TNNI3K: variants seen among roughly 807,000 people sequenced by gnomAD.
TNNI3K encodes serine/threonine-protein kinase TNNI3K.
In TNNI3K, 140 loss-of-function variants were observed where a neutral mutation model predicts 114.5. The ratio of observed to expected loss-of-function variants is 1.22; its 90% CI spans 1.07 to 1.41. TNNI3K has a LOEUF of 1.41. Ranked by LOEUF, TNNI3K falls within the 40% of genes most tolerant of loss-of-function variation. TNNI3K has a pLI of 0.00. For synonymous variants in TNNI3K, 347 were observed against 347.5 expected (o/e 1.00, Z 0.02); for missense variants, 1,125 against 1,007.6 (o/e 1.12, Z -1.58).
intron 9 of TNNI3K, among the ~76,000 whole-genome samples, chr1:74,347,314 T>C (rs988376414): frequency 3.3e-5 from 5 of 151,934 alleles, no homozygotes; most frequent in African/African-American, 1.2e-4. Flanking sequence ...TCCATGTCCC[T>C]ACAAAGGACA....
At chr1:74,396,516 A>C (rs191581351) in intron 17 of TNNI3K, among the ~76,000 whole-genome samples, 15 of 152,340 alleles carry the variant, frequency 9.8e-5, no homozygotes, top group Non-Finnish European at 1.9e-4. Flanking sequence ...ACTTGGGCTG[A>C]GATAATGTCA....
intron 21 of TNNI3K, chr1:74,483,354 G>A: frequency 1.4e-6 from 1 of 717,256 alleles, no homozygotes. Context: ...CAACATGATG[G>A]CAAAGAGTAC....
intron 11 of TNNI3K, among the ~76,000 whole-genome samples, chr1:74,358,165 A>G (rs919054716): frequency 2.0e-5 from 3 of 152,108 alleles, no homozygotes; most frequent in Non-Finnish European, 4.4e-5. Flanking sequence ...CTAAACTAGA[A>G]ACAGAACTAA....
chr1:74,476,801 T>C (rs1376278650), intron 21 of TNNI3K, among the ~76,000 whole-genome samples: 1 of 152,172 alleles, frequency 6.6e-6, no homozygotes, highest in East Asian at 1.9e-4. Context: ...ATGTCTAGTT[T>C]TATCCACTGG....
chr1:74,435,995 T>C (rs1666105181), intron 17 of TNNI3K, 85 bp from the exon 18 acceptor site: 12 of 1,523,324 alleles, frequency 7.9e-6, no homozygotes, highest in South Asian at 2.6e-5. Context: ...ATGATGTCTA[T>C]GGTCCTCTTC....
intron 9 of TNNI3K, chr1:74,345,782 G>T (rs1245825691): frequency 2.0e-5 from 3 of 152,158 alleles, no homozygotes; most frequent in Non-Finnish European, 4.4e-5. Flanking sequence ...TACAGGAAAA[G>T]AACATTTATG....
chr1:74,453,841 G>A (rs527730232), intron 20 of TNNI3K, among the ~76,000 whole-genome samples: 4 of 152,108 alleles, frequency 2.6e-5, no homozygotes, highest in Admixed American at 2.0e-4. Flanking sequence ...GCCAAACAGC[G>A]CTGAGCAGGA....
At chr1:74,375,613 G>A in intron 17 of TNNI3K, 1 of 455,018 alleles carries the variant, frequency 2.2e-6, no homozygotes, top group Non-Finnish European at 4.4e-6. Context: ...GATAAACTGG[G>A]TCATCTGGTC....
chr1:74,317,091 T>G (rs148533065), intron 5 of TNNI3K, among the ~76,000 whole-genome samples: 1 of 152,210 alleles, frequency 6.6e-6, no homozygotes, highest in African/African-American at 2.4e-5. Flanking sequence ...GGCTAAGATA[T>G]AAGCTCAACA....
At chr1:74,342,437 C>G (rs1438375036) in intron 7 of TNNI3K, among the ~76,000 whole-genome samples, 1 of 152,024 alleles carries the variant, frequency 6.6e-6, no homozygotes, top group African/African-American at 2.4e-5. Flanking sequence ...CCTACTGAAC[C>G]CAAATCTCTG....
intron 17 of TNNI3K, among the ~76,000 whole-genome samples, chr1:74,399,695 C>A (rs1374647971): frequency 6.6e-6 from 1 of 152,086 alleles, no homozygotes; most frequent in Non-Finnish European, 1.5e-5. Flanking sequence ...TTAAAGCTAA[C>A]CCTAAGGAAA....
intron 21 of TNNI3K, chr1:74,483,227 T>A: frequency 1.4e-6 from 1 of 715,688 alleles, no homozygotes; most frequent in Non-Finnish European, 2.6e-6. Context: ...CCAGGTACAC[T>A]GAGCACTGCT....
At position 74,535,111 on chromosome 1, in the gene TNNI3K, A is replaced by T. The variant is rs577073962; in HGVS notation, c.2352-5123A>T. 4.1e-4 allele frequency among the ~76,000 whole-genome samples: 63 copies of T among 152,264 alleles called. 1 individual carries two copies. In the South Asian group the frequency reaches 5.8e-3, roughly 14 times the overall value. On this transcript the variant is annotated intron_variant, in intron 23 of 24. Coordinates refer to ENST00000326637, the MANE Select transcript of TNNI3K (RefSeq NM_015978.3). ...CTAAAAATCTCCTGCCTAAATGAGG[A>T]CTGTGTAATTTCACTCTGCCTTTCC...
chr1:74,464,768 A>C, intron 21 of TNNI3K: 6 of 1,546,040 alleles, frequency 3.9e-6, no homozygotes, highest in Non-Finnish European at 4.4e-6. Flanking sequence ...ATTCAACCTG[A>C]TGTGTTACAT....
In TNNI3K at chr1:74,249,542, G is replaced by T; in HGVS notation, c.233G>T (p.Gly78Val). ...CTACTTCATTTATGTTGCATTTGTG[G>T]AGGTGAGTACTTGAAACTTAGTACT... ...LSLLHLCCIC[G>V]GKKSHIRTLM... The change falls in exon 3 of 25, where the codon GGA becomes GTA. Residue 78 changes from glycine to valine, a missense_variant and splice_region_variant. Physicochemically the swap from Gly to Val is moderately radical, Grantham distance 109 (BLOSUM62 -3). Coordinates refer to ENST00000326637, the MANE Select transcript of TNNI3K (RefSeq NM_015978.3). The T allele has an allele frequency of 6.2e-7, 1 of 1,613,256 alleles. No homozygotes were observed. The highest frequency in any genetic ancestry group is 8.5e-7 in the Non-Finnish European group (1 of 1,179,630).
rs142422130 is a variant in TNNI3K, at chr1:74,526,219, G to C, written c.2352-14015G>C. 4.5e-3 allele frequency among the ~76,000 whole-genome samples: 685 copies of C among 152,246 alleles called. 6 individuals are homozygous for C. Among genetic ancestry groups the C allele is most frequent in the African/African-American group, 0.015 (637 of 41,538 alleles). On this transcript the variant is annotated intron_variant, in intron 23 of 24. Transcript: ENST00000326637. ...GGAACATGGAATTTCTTGCAGGGATGTGAATTCACACAAAGGAGCCCAGAG... is the reference window on the plus strand; with the variant it reads ...GGAACATGGAATTTCTTGCAGGGATCTGAATTCACACAAAGGAGCCCAGAG...
intron 17 of TNNI3K, among the ~76,000 whole-genome samples, chr1:74,391,103 T>A (rs1467679938): frequency 1.3e-5 from 2 of 152,254 alleles, no homozygotes; most frequent in Non-Finnish European, 1.5e-5. Flanking sequence ...ACTTTGAATA[T>A]GATAATACAC....
chr1:74,372,602 T>C (rs950428759), intron 17 of TNNI3K: 1 of 151,938 alleles, frequency 6.6e-6, no homozygotes, highest in African/African-American at 2.4e-5. Context: ...ATTTAGATGA[T>C]AAATTAGCAT....
chr1:74,273,639 T>C (rs1656492207), intron 5 of TNNI3K, among the ~76,000 whole-genome samples: 1 of 152,014 alleles, frequency 6.6e-6, no homozygotes. Context: ...TCTTTCTTTC[T>C]AAATCATAAT....
Sources: gnomAD v4.1 joint callset for allele counts (sites outside exome capture counted in the v4.1 genomes callset) on GRCh38, gnomAD v4.1.1 for gene constraint, MANE v1.5 for transcripts, NCBI Gene and HGNC (gene_info 2026-07-23, HGNC 2026-07-21) for gene names.